Variants in GRID2 observed in about 807,000 individuals in gnomAD.
GRID2 encodes glutamate ionotropic receptor delta type subunit 2, also known as glutamate receptor ionotropic, delta-2.
Under a neutral mutation model 114.8 loss-of-function variants are expected in GRID2, and 33 were observed. The observed-to-expected ratio is 0.29, with a 90% CI of 0.22 to 0.38. GRID2 has a LOEUF of 0.38. Ranked by LOEUF, GRID2 falls within the 10% of genes least tolerant of loss-of-function variation. GRID2 has a pLI of 1.00. For missense variants in GRID2, 1,184 were observed against 1,257.7 expected (o/e 0.94, Z 0.89); for synonymous variants, 505 against 449.9 (o/e 1.12, Z -1.55).
At chr4:92,741,428 A>G (rs1377128930) in intron 2 of GRID2, among the ~76,000 whole-genome samples, 1 of 152,164 alleles carries the variant, frequency 6.6e-6, no homozygotes, top group African/African-American at 2.4e-5. Context: ...TTCCTAAATC[A>G]CTGGTAGGTC....
In GRID2 at chr4:93,556,225, G is replaced by A. The variant is rs139716219; in HGVS notation, c.2193+40814G>A. Among the ~76,000 whole-genome samples the A allele has an allele frequency of 8.1e-3, 1,227 of 152,198 alleles. 20 individuals are homozygous for A. Among genetic ancestry groups the A allele is most frequent in the African/African-American group, 0.028 (1,170 of 41,534 alleles). On this transcript the variant is annotated intron_variant, in intron 13 of 15. Coordinates refer to ENST00000282020, the MANE Select transcript of GRID2 (RefSeq NM_001510.4). ...CTCCTCCAAAGGATCACAACTCCTCGCCAGCAAGGGAACAAAACTAGATGG... is the reference window on the plus strand; with the variant it reads ...CTCCTCCAAAGGATCACAACTCCTCACCAGCAAGGGAACAAAACTAGATGG...
chr4:92,799,029 G>A (rs1362342795), intron 2 of GRID2, among the ~76,000 whole-genome samples: 1 of 151,896 alleles, frequency 6.6e-6, no homozygotes, highest in African/African-American at 2.4e-5. Context: ...TTTTCCATGG[G>A]GGCTGGGTAG....
At chr4:93,053,252 T>C (rs1374080881) in intron 2 of GRID2, among the ~76,000 whole-genome samples, 1 of 151,964 alleles carries the variant, frequency 6.6e-6, no homozygotes, top group Non-Finnish European at 1.5e-5. Flanking sequence ...TGAGAAACAC[T>C]AGTGGTCAAC....
intron 10 of GRID2, among the ~76,000 whole-genome samples, chr4:93,435,055 C>T (rs968209527): frequency 2.6e-5 from 4 of 151,910 alleles, no homozygotes; most frequent in African/African-American, 9.7e-5. Flanking sequence ...TACTACCTAT[C>T]TCTCTTATTC....
chr4:93,805,805 G>A (rs1048384706), intron 1 of GRID2, among the ~76,000 whole-genome samples: 2 of 152,184 alleles, frequency 1.3e-5, no homozygotes, highest in African/African-American at 4.8e-5. Context: ...TTATTTAAGA[G>A]CATATATTCG....
Position 93,468,182 on chromosome 4 carries a change from T to C in GRID2, c.1858+12208T>C, listed in dbSNP as rs78225997. Among the ~76,000 whole-genome samples, 754 of 152,320 alleles carry C rather than the reference T, an allele frequency of 5.0e-3. 7 individuals are homozygous for C. The highest frequency in any genetic ancestry group is 0.018 in the African/African-American group (732 of 41,574). ...AAAAGCATTTTTTTCAGATTAAGCA[T>C]GTCTTACCTATCTTAGAACCAAGCA... is the stretch of plus-strand genomic sequence containing the variant. On this transcript the variant is annotated intron_variant, in intron 11 of 15. Transcript: ENST00000282020.
chr4:93,281,424 GA>G (rs1349393368), intron 8 of GRID2, among the ~76,000 whole-genome samples: 1 of 151,934 alleles, frequency 6.6e-6, no homozygotes, highest in African/African-American at 2.4e-5. Context: ...GTCATTGCAG[GA>G]ATGATGGGCC....
intron 1 of GRID2, among the ~76,000 whole-genome samples, chr4:92,493,615 C>G (rs889334988): frequency 1.3e-5 from 2 of 152,154 alleles, no homozygotes; most frequent in African/African-American, 2.4e-5. Context: ...TAATCAATTT[C>G]TAAAATAAAA....
At chr4:93,077,614 TCA>T (rs1729450342) in intron 2 of GRID2, among the ~76,000 whole-genome samples, 1 of 152,176 alleles carries the variant, frequency 6.6e-6, no homozygotes, top group African/African-American at 2.4e-5. Context: ...TGTTTAATCC[TCA>T]CTCTTTGCTT....
chr4:93,212,446 C>T (rs987315160), intron 5 of GRID2, among the ~76,000 whole-genome samples: 8 of 152,228 alleles, frequency 5.3e-5, no homozygotes, highest in Admixed American at 3.3e-4. Context: ...TATTTATCTT[C>T]TCCCCGCAAT....
Position 92,440,293 on chromosome 4 carries a change from G to C in GRID2, c.88+135549G>C, listed in dbSNP as rs1482652365. On this transcript the variant is annotated intron_variant, in intron 1 of 15. Transcript: ENST00000282020. The stretch of plus-strand genomic sequence containing the variant: ...TTGGCTGATTTGACTAATAAAGGCT[G>C]GTCTATTATCAGACTGTATTGAGGT... 1.4e-4 allele frequency among the ~76,000 whole-genome samples: 21 copies of C among 145,774 alleles called. 1 individual carries two copies. Among genetic ancestry groups the C allele is most frequent in the African/African-American group, 4.2e-4 (17 of 40,832 alleles).
intron 2 of GRID2, among the ~76,000 whole-genome samples, chr4:92,602,203 TAAAAA>T (rs548267650): frequency 1.0e-5 from 1 of 95,686 alleles, no homozygotes; most frequent in Non-Finnish European, 2.2e-5. Context: ...GCCAGAGATT[TAAAAA>T]AAAAAAAAAG....
intron 2 of GRID2, among the ~76,000 whole-genome samples, chr4:93,040,492 T>A (rs1725407582): frequency 6.6e-6 from 1 of 152,132 alleles, no homozygotes; most frequent in Admixed American, 6.6e-5. Context: ...CTTTTTCTTC[T>A]TCCCCTCTTC....
Position 92,305,522 on chromosome 4 carries a change from T to TGCCTC in GRID2, c.88+796_88+800dup, listed in dbSNP as rs542945235. 5.6e-3 allele frequency among the ~76,000 whole-genome samples: 856 copies of TGCCTC among 152,192 alleles called. 13 individuals are homozygous for TGCCTC. Among genetic ancestry groups the TGCCTC allele is most frequent in the African/African-American group, 0.018 (759 of 41,524 alleles). ...AGGTCTGCTTAGCAGATATCCGCCT[T>TGCCTC]GCCTCGCCTCGCCTCGCCTCGCAGT... On this transcript the variant is annotated intron_variant, in intron 1 of 15. Coordinates refer to ENST00000282020, the MANE Select transcript of GRID2 (RefSeq NM_001510.4).
At chr4:93,461,299 T>G (rs1460442442) in intron 11 of GRID2, among the ~76,000 whole-genome samples, 3 of 152,128 alleles carry the variant, frequency 2.0e-5, no homozygotes, top group African/African-American at 7.2e-5. Context: ...TGAGAGCATC[T>G]TTATGCTCTG....
chr4:92,824,530 CTTT>C (rs1171002444), intron 2 of GRID2, among the ~76,000 whole-genome samples: 1 of 151,922 alleles, frequency 6.6e-6, no homozygotes, highest in African/African-American at 2.4e-5. Flanking sequence ...TGAAAATAAA[CTTT>C]TATTATTTAT....
intron 8 of GRID2, among the ~76,000 whole-genome samples, chr4:93,285,158 C>G (rs1031629545): frequency 8.2e-5 from 8 of 97,438 alleles, no homozygotes; most frequent in Non-Finnish European, 1.7e-4. Context: ...TTCCAGAGAG[C>G]ATTTTGTAAT....
At chr4:92,324,875 T>C (rs919565123) in intron 1 of GRID2, among the ~76,000 whole-genome samples, 1 of 151,896 alleles carries the variant, frequency 6.6e-6, no homozygotes, top group Non-Finnish European at 1.5e-5. Context: ...CACATATCAT[T>C]TATTGAACAA....
chr4:92,701,111 G>A (rs1734657304), intron 2 of GRID2, among the ~76,000 whole-genome samples: 1 of 152,118 alleles, frequency 6.6e-6, no homozygotes, highest in Non-Finnish European at 1.5e-5. Flanking sequence ...TTAACCTTGG[G>A]GAGGTGAATT....
Sources: gnomAD v4.1 joint callset for allele counts (sites outside exome capture counted in the v4.1 genomes callset) on GRCh38, gnomAD v4.1.1 for gene constraint, MANE v1.5 for transcripts, NCBI Gene and HGNC (gene_info 2026-07-23, HGNC 2026-07-21) for gene names.